ZMIZ1: variants seen among roughly 807,000 people sequenced by gnomAD.
The protein encoded by ZMIZ1 is zinc finger MIZ-type containing 1.
ZMIZ1 carries 17 observed loss-of-function variants against 113.9 expected under a neutral mutation model. That is an observed-to-expected ratio of 0.15 (90% CI 0.10 to 0.22). The LOEUF is 0.22. Among genes scored for constraint, ZMIZ1 ranks in the 10% least tolerant of loss-of-function variants. ZMIZ1 has a pLI of 1.00. For missense variants in ZMIZ1, 1,059 were observed against 1,477.8 expected, an observed-to-expected ratio of 0.72 and a Z score of 4.65; for synonymous variants, 607 against 603.1, an observed-to-expected ratio of 1.01 and a Z score of -0.09.
intron 7 of ZMIZ1, among the ~76,000 whole-genome samples, chr10:79,251,928 G>A (rs1240291293): frequency 2.0e-5 from 3 of 152,310 alleles, no homozygotes; most frequent in African/African-American, 2.4e-5. Context: ...AGCCTTGACC[G>A]TTGGGTCCTT....
chr10:79,090,394 G>A lies in ZMIZ1; in HGVS notation c.-337+21124G>A, dbSNP rs1382906898. On this transcript the variant is annotated intron_variant, in intron 1 of 24. Transcript: ENST00000334512. ...TGCTCAAGACCCACAAGGAGACCCC[G>A]TTTGGAAGAGGAGACATACTTGGAG... Among the ~76,000 whole-genome samples the A allele has an allele frequency of 9.2e-5, 14 of 152,310 alleles. No homozygotes were observed. The East Asian group carries it at 2.5e-3, about 27-fold the overall frequency.
chr10:79,308,465 C>A (rs1854886309), intron 23 of ZMIZ1, among the ~76,000 whole-genome samples: 2 of 152,152 alleles, frequency 1.3e-5, no homozygotes, highest in Non-Finnish European at 2.9e-5. Flanking sequence ...GCTGGGGGTC[C>A]TGGGCCACAC....
intron 6 of ZMIZ1, among the ~76,000 whole-genome samples, chr10:79,210,545 T>C (rs1848489452): frequency 6.6e-6 from 1 of 152,024 alleles, no homozygotes; most frequent in Non-Finnish European, 1.5e-5. Context: ...TTGACCTCCT[T>C]GGGAGGATGA....
intron 1 of ZMIZ1, among the ~76,000 whole-genome samples, chr10:79,117,187 T>C (rs1844070525): frequency 6.6e-6 from 1 of 152,232 alleles, no homozygotes; most frequent in African/African-American, 2.4e-5. Flanking sequence ...GGAGGCCTAG[T>C]CTCTATAACT....
Position 79,153,954 on chromosome 10 carries a change from C to T in ZMIZ1, c.-130-8099C>T, listed in dbSNP as rs142058780. 2.2e-3 allele frequency among the ~76,000 whole-genome samples: 340 copies of T among 152,364 alleles called. 4 individuals carry two copies. Among genetic ancestry groups the T allele is most frequent in the African/African-American group, 7.8e-3 (325 of 41,594 alleles). ...GGAAGCGTGACCGCCAGGGGGCTGG[C>T]ACCTGGCCCAGGAAGGGGGTCATCG... On this transcript the variant is annotated intron_variant, in intron 3 of 24. Transcript: ENST00000334512.
intron 16 of ZMIZ1, 147 bp from the exon 17 acceptor site, chr10:79,300,585 C>T: frequency 9.6e-7 from 1 of 1,040,594 alleles, no homozygotes. Flanking sequence ...AGAACTCAGG[C>T]TGGGGGAATC....
chr10:79,285,715 C>T (rs1045414576), intron 8 of ZMIZ1: 26 of 380,732 alleles, frequency 6.8e-5, no homozygotes, highest in Non-Finnish European at 5.3e-6. Context: ...TCATGCTTGG[C>T]TCAGGGAGCC....
intron 4 of ZMIZ1, among the ~76,000 whole-genome samples, chr10:79,181,368 G>C (rs570220512): frequency 1.3e-5 from 2 of 152,362 alleles, no homozygotes; most frequent in Non-Finnish European, 2.9e-5. Flanking sequence ...TGCAGTTGTG[G>C]TGTCACTGGT....
At chr10:79,148,801 C>T (rs1387893299) in intron 3 of ZMIZ1, among the ~76,000 whole-genome samples, 8 of 152,204 alleles carry the variant, frequency 5.3e-5, no homozygotes, top group Non-Finnish European at 8.8e-5. Context: ...ACCAGGCTGA[C>T]GCTGACTTCT....
intron 4 of ZMIZ1, among the ~76,000 whole-genome samples, chr10:79,182,212 A>AT (rs1157215518): frequency 6.6e-6 from 1 of 152,194 alleles, no homozygotes; most frequent in Non-Finnish European, 1.5e-5. Flanking sequence ...GCCCAAGCTC[A>AT]TTTTTCAGAT....
Position 79,316,143 on chromosome 10 carries a change from C to T in ZMIZ1, c.*3394C>T, listed in dbSNP as rs1311701376. 3 of 152,458 alleles carry T rather than the reference C, an allele frequency of 2.0e-5. No individual in the cohort carries two copies. Among genetic ancestry groups the T allele is most frequent in the African/African-American group, 7.3e-5 (3 of 41,304 alleles). The allele number at this position is 152,458 out of a possible 1,614,324, so 9.4% of individuals were successfully genotyped here. ...TCATACTTTGTATAATTTTTGATAT[C>T]ATGATCACAGGTGATTCACACGTAC... is the stretch of plus-strand genomic sequence containing the variant. On this transcript the variant is annotated 3_prime_UTR_variant, in exon 25 of 25. Transcript: ENST00000334512.
chr10:79,202,773 C>T (rs956738007), intron 5 of ZMIZ1, among the ~76,000 whole-genome samples: 2 of 152,234 alleles, frequency 1.3e-5, no homozygotes, highest in African/African-American at 4.8e-5. Flanking sequence ...AGCTTCCCTG[C>T]ACAGACCCAC....
chr10:79,291,118 A>C lies in ZMIZ1; in HGVS notation c.700A>C (p.Ile234Leu), dbSNP rs202178117. ...CAAGGCTGGCCCCGCTCAGCCCTAC[A>C]TCCAGCAGAGCATGTATGGCCGGCC... ...SAKAGPAQPY[I>L]QQSMYGRPNY... The change falls in exon 10 of 25, where the codon ATC becomes CTC. Residue 234 changes from isoleucine to leucine, a missense_variant. By Grantham distance (5) the Ile-to-Leu change is conservative. Coordinates refer to ENST00000334512, the MANE Select transcript of ZMIZ1 (RefSeq NM_020338.4). The C allele has an allele frequency of 1.8e-4, 288 of 1,613,956 alleles. No individual in the cohort carries two copies. Among genetic ancestry groups the C allele is most frequent in the Non-Finnish European group, 2.0e-4 (232 of 1,180,018 alleles).
chr10:79,240,839 G>C (rs900515599), intron 7 of ZMIZ1, among the ~76,000 whole-genome samples: 3 of 151,850 alleles, frequency 2.0e-5, no homozygotes, highest in African/African-American at 7.3e-5. Flanking sequence ...ATGCCACCAG[G>C]TCTGTCCCCC....
chr10:79,086,221 T>C (rs974712700), intron 1 of ZMIZ1, among the ~76,000 whole-genome samples: 7 of 152,082 alleles, frequency 4.6e-5, no homozygotes, highest in African/African-American at 1.7e-4. Flanking sequence ...ACAGAATGCG[T>C]CTCCCCGCCC....
In ZMIZ1 at chr10:79,316,420, A is replaced by G. The variant is rs1164173201; in HGVS notation, c.*3671A>G. 1 of 152,798 alleles carries G rather than the reference A, an allele frequency of 6.5e-6. No individual in the cohort carries two copies. The highest frequency in any genetic ancestry group is 1.5e-5 in the Non-Finnish European group (1 of 68,050). The allele number at this position is 152,798 out of a possible 1,614,324, so 9.5% of individuals were successfully genotyped here. ...TGGTTATTTTGTATTTAAAGATCAA[A>G]TTATTTGACTATTGCTAGACATTTC... On this transcript the variant is annotated 3_prime_UTR_variant, in exon 25 of 25. Transcript: ENST00000334512.
chr10:79,175,630 G>GTGTGTGTGTGT (rs1429011082), intron 4 of ZMIZ1, among the ~76,000 whole-genome samples: 4 of 96,436 alleles, frequency 4.1e-5, no homozygotes, highest in African/African-American at 1.5e-4. Context: ...GTGTGTGTGT[G>GTGTGTGTGTGT]GAGGTTTTTA....
chr10:79,291,035 C>A lies in ZMIZ1; in HGVS notation c.617C>A (p.Thr206Asn). ...AACCCCATGGCGTCGGGCATGACCA[C>A]CAGCAACCCAGGCCTCAACTCCCCA... The part of the protein sequence containing the change: ...GGNPMASGMT[T>N]SNPGLNSPQF... The change falls in exon 10 of 25, where the codon ACC becomes AAC. Residue 206 changes from threonine to asparagine, a missense_variant. Thr to Asn is a moderately conservative substitution (Grantham distance 65). Around this residue, in one of 6 missense-constraint regions of ZMIZ1, gnomAD observed 272 missense variants for 350.4 expected, o/e 0.78. Coordinates refer to ENST00000334512, the MANE Select transcript of ZMIZ1 (RefSeq NM_020338.4). The A allele has an allele frequency of 6.2e-7, 1 of 1,614,266 alleles. No individual in the cohort carries two copies. The highest frequency in any genetic ancestry group is 8.5e-7 in the Non-Finnish European group (1 of 1,180,046).
At chr10:79,100,830 G>A (rs149449894) in intron 1 of ZMIZ1, among the ~76,000 whole-genome samples, 1 of 152,314 alleles carries the variant, frequency 6.6e-6, no homozygotes, top group Non-Finnish European at 1.5e-5. Context: ...TCTGAAGGGA[G>A]TGATTTCCAA....
Sources: allele counts gnomAD v4.1 joint callset (sites outside exome capture counted in the v4.1 genomes callset), GRCh38; gene constraint gnomAD v4.1.1; regional missense constraint gnomAD v4.1.1; transcripts MANE v1.5; gene names NCBI Gene and HGNC (gene_info 2026-07-23, HGNC 2026-07-21).